Variants in VPS45 observed in about 807,000 individuals in gnomAD.
The protein encoded by VPS45 is vacuolar protein sorting-associated protein 45.
A neutral mutation model predicts 75.9 loss-of-function variants in VPS45; 35 were observed. That is an observed-to-expected ratio of 0.46 (90% CI 0.35 to 0.61). The LOEUF is 0.61. Among genes scored for constraint, VPS45 ranks in the 20% least tolerant of loss-of-function variants. The pLI, the probability that VPS45 is intolerant of heterozygous loss-of-function variation, is 0.00. For synonymous variants in VPS45, 220 were observed against 238.2 expected (o/e 0.92, Z 0.70); for missense variants, 559 against 685.9 (o/e 0.81, Z 2.07).
chr1:150,068,847 T>A, intron 2 of VPS45, 83 bp downstream of exon 2: 1 of 1,312,988 alleles, frequency 7.6e-7, no homozygotes. Flanking sequence ...AAAATAAATT[T>A]GTATTATCAT....
chr1:150,074,360 G>A (rs186021221), intron 3 of VPS45, among the ~76,000 whole-genome samples: 1 of 151,306 alleles, frequency 6.6e-6, no homozygotes, highest in Non-Finnish European at 1.5e-5. Flanking sequence ...CCTTTGAGCT[G>A]GAACTGCAAA....
intron 14 of VPS45, among the ~76,000 whole-genome samples, chr1:150,115,800 A>G (rs781910033): frequency 6.6e-6 from 1 of 152,150 alleles, no homozygotes; most frequent in Admixed American, 6.5e-5. Flanking sequence ...TCTATATTAC[A>G]TGGAAATCTC....
intron 13 of VPS45, among the ~76,000 whole-genome samples, chr1:150,102,482 G>A (rs1657093732): frequency 6.6e-6 from 1 of 151,732 alleles, no homozygotes; most frequent in South Asian, 2.1e-4. Flanking sequence ...CTGGGAGGCA[G>A]AGGTTGTGGT....
chr1:150,075,373 C>T (rs1228903184), intron 3 of VPS45, among the ~76,000 whole-genome samples: 1 of 151,954 alleles, frequency 6.6e-6, no homozygotes, highest in Non-Finnish European at 1.5e-5. Flanking sequence ...TTAAAATATT[C>T]CTCTGTCTTC....
intron 13 of VPS45, 66 bp downstream of exon 13, chr1:150,093,714 T>C: frequency 1.3e-6 from 2 of 1,559,970 alleles, no homozygotes; most frequent in Non-Finnish European, 1.7e-6. Context: ...TTTAGAGTAA[T>C]GTTAAGGACT....
rs1174892726 is a variant in VPS45 at position 150,145,264 on chromosome 1, A to G, written c.*468A>G. 1 of 184,310 alleles carries G rather than the reference A, an allele frequency of 5.4e-6. No individual in the cohort carries two copies. Among genetic ancestry groups the G allele is most frequent in the Non-Finnish European group, 1.1e-5 (1 of 88,572 alleles). 11.4% of individuals were successfully genotyped at this position (184,310 alleles called of 1,614,324 possible). A position where few individuals can be genotyped will look rare whatever the true frequency, so the allele number is the denominator to read the frequency against. On this transcript the variant is annotated 3_prime_UTR_variant, in exon 15 of 15. Transcript: ENST00000644510. ...ATCCAAAAATTTTTTGTCCCTACAT[A>G]GCAATTTTCTGTGGCACTGAGAAAC...
intron 14 of VPS45, among the ~76,000 whole-genome samples, chr1:150,127,597 A>G (rs1195012979): frequency 1.3e-5 from 2 of 152,174 alleles, no homozygotes; most frequent in African/African-American, 4.8e-5. Flanking sequence ...CAAGGTAGAT[A>G]TTTTTATAAT....
chr1:150,110,341 T>C (rs1553806927), intron 13 of VPS45, 155 bp from the exon 14 acceptor site: 6 of 667,704 alleles, frequency 9.0e-6, no homozygotes, highest in Non-Finnish European at 1.4e-5. Flanking sequence ...CAATTTCAGA[T>C]AATTGAAACT....
At chr1:150,076,806 A>G in intron 4 of VPS45, 110 bp from the exon 5 acceptor site, 1 of 1,156,920 alleles carries the variant, frequency 8.6e-7, no homozygotes, top group South Asian at 1.3e-5. Flanking sequence ...ATCTCTTTAC[A>G]CCTGTATTTC....
At position 150,144,979 on chromosome 1, in the gene VPS45, T is replaced by C; in HGVS notation, c.*183T>C. On this transcript the variant is annotated 3_prime_UTR_variant, in exon 15 of 15. Transcript: ENST00000644510. ...CTCCCAGAGTTGTCCTAACAATAAG[T>C]CTGAGCCCATCTCAACCCACTTTTC... 1 of 1,488,392 alleles carries C rather than the reference T, an allele frequency of 6.7e-7. No individual in the cohort carries two copies. The highest frequency in any genetic ancestry group is 9.0e-7 in the Non-Finnish European group (1 of 1,111,296). 92.2% of individuals were successfully genotyped at this position (1,488,392 alleles called of 1,614,324 possible). A position where few individuals can be genotyped will look rare whatever the true frequency, so the allele number is the denominator to read the frequency against.
At chr1:150,141,151 A>G (rs1659372899) in intron 14 of VPS45, among the ~76,000 whole-genome samples, 1 of 152,344 alleles carries the variant, frequency 6.6e-6, no homozygotes, top group African/African-American at 2.4e-5. Context: ...TTCTCCAAGT[A>G]AGTGTTTGGC....
chr1:150,112,462 G>A (rs941522560), intron 14 of VPS45, among the ~76,000 whole-genome samples: 2 of 152,032 alleles, frequency 1.3e-5, no homozygotes, highest in African/African-American at 4.8e-5. Flanking sequence ...CAGAATTTTA[G>A]TTTTGTGTAA....
At chr1:150,073,228 C>T (rs971042156) in intron 3 of VPS45, among the ~76,000 whole-genome samples, 1 of 151,968 alleles carries the variant, frequency 6.6e-6, no homozygotes, top group African/African-American at 2.4e-5. Context: ...ATTTCCAAAA[C>T]CAAGGACTAG....
At chr1:150,125,813 G>A (rs1002474316) in intron 14 of VPS45, among the ~76,000 whole-genome samples, 4 of 151,522 alleles carry the variant, frequency 2.6e-5, no homozygotes, top group South Asian at 2.1e-4. Flanking sequence ...TCAGCCTCCC[G>A]AGTAGCTGGG....
chr1:150,142,884 C>T lies in VPS45; in HGVS notation c.1626-1825C>T, dbSNP rs1553815657. On this transcript the variant is annotated intron_variant, in intron 14 of 14. Transcript: ENST00000644510. ...CCCTGCCTGGTTTCGAACTCCTGGG[C>T]TCAAGCGATCCACCCGCCTCAGCCT... The T allele has an allele frequency of 2.4e-5, 11 of 449,806 alleles. No homozygotes were observed. The Admixed American group carries it at 2.6e-4, about 11-fold the overall frequency. 27.9% of individuals were successfully genotyped at this position (449,806 alleles called of 1,614,324 possible).
intron 10 of VPS45, 82 bp downstream of exon 10, chr1:150,082,965 C>A: frequency 7.3e-7 from 1 of 1,367,142 alleles, no homozygotes; most frequent in Non-Finnish European, 9.8e-7. Context: ...AGTAATCCTT[C>A]TTCATCAACA....
chr1:150,081,748 T>C, intron 8 of VPS45, 136 bp from the exon 9 acceptor site: 1 of 660,502 alleles, frequency 1.5e-6, no homozygotes, highest in Admixed American at 3.0e-5. Context: ...GTGTCCCAGC[T>C]AATGTCCAAA....
intron 3 of VPS45, among the ~76,000 whole-genome samples, chr1:150,074,190 T>C (rs1190565769): frequency 7.0e-6 from 1 of 143,022 alleles, no homozygotes; most frequent in Non-Finnish European, 1.5e-5. Flanking sequence ...AATTTTTGTA[T>C]TTTTTTTTAG....
intron 12 of VPS45, 135 bp from the exon 13 acceptor site, chr1:150,093,392 A>T: frequency 4.0e-6 from 4 of 1,002,994 alleles, no homozygotes; most frequent in South Asian, 2.5e-5. Flanking sequence ...AATAATTTTT[A>T]AATTTCCCAC....
Sources: gnomAD v4.1 joint callset for allele counts (sites outside exome capture counted in the v4.1 genomes callset) on GRCh38, gnomAD v4.1.1 for gene constraint, MANE v1.5 for transcripts, NCBI Gene and HGNC (gene_info 2026-07-23, HGNC 2026-07-21) for gene names.